TMEM123: variants seen among roughly 807,000 people sequenced by gnomAD.
TMEM123 encodes the protein porimin.
A neutral mutation model predicts 19.7 loss-of-function variants in TMEM123; 16 were observed. The ratio of observed to expected loss-of-function variants is 0.81; its 90% CI spans 0.55 to 1.23. The LOEUF (loss-of-function observed/expected upper bound fraction) is 1.23. Ranked by LOEUF, TMEM123 falls within the 50% of genes most tolerant of loss-of-function variation. The probability of loss-of-function intolerance (pLI) is 0.00; values close to 1 mark genes in which losing one functional copy is unlikely to be tolerated. For synonymous variants in TMEM123, 118 were observed against 99.4 expected, an observed-to-expected ratio of 1.19 and a Z score of -1.12; for missense variants, 313 against 257.8, an observed-to-expected ratio of 1.21 and a Z score of -1.47.
At chr11:102,447,722 C>G (rs759862693) in intron 2 of TMEM123, among the ~76,000 whole-genome samples, 1 of 152,164 alleles carries the variant, frequency 6.6e-6, no homozygotes, top group South Asian at 2.1e-4. Context: ...TCCCTCTAGA[C>G]TTTTTTTCCT....
chr11:102,422,427 T>C (rs1262437660), intron 2 of TMEM123, among the ~76,000 whole-genome samples: 1 of 152,062 alleles, frequency 6.6e-6, no homozygotes, highest in Non-Finnish European at 1.5e-5. Flanking sequence ...TGAGCCGAGA[T>C]TGTGTCACTG....
intron 2 of TMEM123, among the ~76,000 whole-genome samples, chr11:102,403,457 T>A (rs1254241463): frequency 1.3e-5 from 2 of 152,276 alleles, no homozygotes; most frequent in Non-Finnish European, 2.9e-5. Flanking sequence ...CACGACAATT[T>A]AACTAACGTT....
chr11:102,412,038 T>TAC (rs1290539251), intron 2 of TMEM123, among the ~76,000 whole-genome samples: 1 of 152,198 alleles, frequency 6.6e-6, no homozygotes, highest in Non-Finnish European at 1.5e-5. Flanking sequence ...TTTGTTATGT[T>TAC]ACTTCAGGTG....
At chr11:102,401,416 G>T in intron 4 of TMEM123, 123 bp downstream of exon 4, 1 of 901,378 alleles carries the variant, frequency 1.1e-6, no homozygotes, top group Non-Finnish European at 1.6e-6. Flanking sequence ...GGGTTAATGG[G>T]AATATAACTC....
chr11:102,404,061 G>C (rs1951933704), intron 2 of TMEM123, among the ~76,000 whole-genome samples: 1 of 151,976 alleles, frequency 6.6e-6, no homozygotes. Context: ...AATGTACTAA[G>C]ACACCTTTAT....
Position 102,452,659 on chromosome 11 carries a change from C to A in TMEM123, c.-36G>T. On this transcript the variant is annotated 5_prime_UTR_variant, in exon 1 of 5. Transcript: ENST00000398136. ...GCAGGATGCGGCAGCCTCGTGGGCT[C>A]CCAGCCGAGGTGGCGGCGGCGAGAG... The A allele has an allele frequency of 7.0e-7, 1 of 1,420,132 alleles. No individual in the cohort carries two copies. The highest frequency in any genetic ancestry group is 1.4e-5 in the South Asian group (1 of 70,654). The allele number at this position is 1,420,132 out of a possible 1,614,324, so 88.0% of individuals were successfully genotyped here.
In TMEM123 at chr11:102,396,637, A is replaced by T. The variant is rs1042370838; in HGVS notation, c.*2230T>A. 6.6e-6 allele frequency: 1 copy of T among 152,222 alleles called. No homozygotes were observed. Among genetic ancestry groups the T allele is most frequent in the African/African-American group, 2.4e-5 (1 of 41,456 alleles). 9.4% of individuals were successfully genotyped at this position (152,222 alleles called of 1,614,324 possible). A position where few individuals can be genotyped will look rare whatever the true frequency, so the allele number is the denominator to read the frequency against. On this transcript the variant is annotated 3_prime_UTR_variant, in exon 5 of 5. Transcript: ENST00000398136. Reference sequence around the variant, plus strand: ...AAACTGAGCATTTTTTTTATGCTTAAGAAATATGGTCCAAAGCAAAATATT... The same window carrying T: ...AAACTGAGCATTTTTTTTATGCTTATGAAATATGGTCCAAAGCAAAATATT...
chr11:102,441,001 A>C (rs1054208435), intron 2 of TMEM123, among the ~76,000 whole-genome samples: 19 of 152,218 alleles, frequency 1.2e-4, no homozygotes, highest in African/African-American at 4.6e-4. Flanking sequence ...TAACTATCCT[A>C]AATATATATG....
chr11:102,429,412 A>G (rs1952156930), intron 2 of TMEM123, among the ~76,000 whole-genome samples: 1 of 152,076 alleles, frequency 6.6e-6, no homozygotes, highest in African/African-American at 2.4e-5. Flanking sequence ...GCACTTTTCA[A>G]CTCATGTCAG....
intron 1 of TMEM123, 58 bp downstream of exon 1, chr11:102,452,466 A>T: frequency 7.4e-7 from 1 of 1,353,806 alleles, no homozygotes; most frequent in Non-Finnish European, 9.7e-7. Context: ...TGGGAACCCA[A>T]GCCTCGGCAG....
At chr11:102,435,419 G>C (rs908260635) in intron 2 of TMEM123, among the ~76,000 whole-genome samples, 2 of 151,748 alleles carry the variant, frequency 1.3e-5, no homozygotes, top group African/African-American at 4.8e-5. Flanking sequence ...TAGATACAAC[G>C]AAAAAACCGT....
chr11:102,445,577 T>C (rs928306435), intron 2 of TMEM123, among the ~76,000 whole-genome samples: 9 of 152,252 alleles, frequency 5.9e-5, no homozygotes, highest in East Asian at 5.8e-4. Context: ...TACAGGATTA[T>C]ATACCTGATA....
intron 2 of TMEM123, among the ~76,000 whole-genome samples, chr11:102,404,968 C>T (rs992241966): frequency 2.0e-5 from 3 of 152,056 alleles, no homozygotes; most frequent in Admixed American, 6.5e-5. Flanking sequence ...ACTTGCATAT[C>T]GGGTTTTACT....
intron 2 of TMEM123, among the ~76,000 whole-genome samples, chr11:102,412,113 T>C (rs184356715): frequency 6.6e-6 from 1 of 152,162 alleles, no homozygotes; most frequent in Non-Finnish European, 1.5e-5. Context: ...AACCAGTCTA[T>C]ACATCATATT....
At chr11:102,446,291 T>C (rs1203271012) in intron 2 of TMEM123, among the ~76,000 whole-genome samples, 1 of 152,210 alleles carries the variant, frequency 6.6e-6, no homozygotes, top group Non-Finnish European at 1.5e-5. Context: ...AATTATTTTC[T>C]ATATAAGCTG....
In TMEM123 at chr11:102,401,962, G is replaced by A. The variant is rs927008036; in HGVS notation, c.402C>T (p.Thr134=). 2.4e-5 allele frequency: 39 copies of A among 1,614,020 alleles called. No individual in the cohort carries two copies. The highest frequency in any genetic ancestry group is 2.7e-5 in the Non-Finnish European group (32 of 1,180,030). Residue 134 remains threonine (T), a synonymous_variant, in exon 3 of 5, where the codon ACC becomes ACT. Transcript: ENST00000398136. ...ATGTCACTGAACTATTGTGGGTTACGGTCATTGTGGATGTTGATATCTGAG... is the reference window on the plus strand; with the variant it reads ...ATGTCACTGAACTATTGTGGGTTACAGTCATTGTGGATGTTGATATCTGAG... ...NTSQISTSTM[T]VTHNSSVTSA...
At chr11:102,436,148 G>A (rs1857760245) in intron 2 of TMEM123, among the ~76,000 whole-genome samples, 1 of 151,772 alleles carries the variant, frequency 6.6e-6, no homozygotes, top group Non-Finnish European at 1.5e-5. Context: ...AATATTCTTG[G>A]TTTAACTCCT....
At chr11:102,410,990 C>T (rs1258640832) in intron 2 of TMEM123, among the ~76,000 whole-genome samples, 1 of 151,668 alleles carries the variant, frequency 6.6e-6, no homozygotes, top group African/African-American at 2.4e-5. Flanking sequence ...GGTCTTTGTC[C>T]CTGGTTCCTG....
intron 2 of TMEM123, among the ~76,000 whole-genome samples, chr11:102,442,097 T>C (rs1231360904): frequency 6.6e-6 from 1 of 152,140 alleles, no homozygotes; most frequent in Non-Finnish European, 1.5e-5. Context: ...ACTAGACGGA[T>C]TCATAGCCGA....
Sources: gnomAD v4.1 joint callset for allele counts (sites outside exome capture counted in the v4.1 genomes callset) on GRCh38, gnomAD v4.1.1 for gene constraint, MANE v1.5 for transcripts, NCBI Gene and HGNC (gene_info 2026-07-23, HGNC 2026-07-21) for gene names.